The following DIP2C variants were observed in gnomAD, a reference collection of about 807,000 sequenced individuals.
DIP2C encodes disco-interacting protein 2 homolog C.
In DIP2C, 33 loss-of-function variants were observed where a neutral mutation model predicts 192.4. That is an observed-to-expected ratio of 0.17 (90% CI 0.13 to 0.23). The LOEUF (loss-of-function observed/expected upper bound fraction) is 0.23. Among genes scored for constraint, DIP2C ranks in the 10% least tolerant of loss-of-function variants. The pLI, the probability that DIP2C is intolerant of heterozygous loss-of-function variation, is 1.00. For missense variants in DIP2C, 1,537 were observed against 2,110.1 expected (o/e 0.73, Z 5.32); for synonymous variants, 979 against 864.1 (o/e 1.13, Z -2.33).
chr10:506,142 A>G (rs1368907668), intron 1 of DIP2C, among the ~76,000 whole-genome samples: 1 of 152,020 alleles, frequency 6.6e-6, no homozygotes, highest in Non-Finnish European at 1.5e-5. Context: ...CATGCTCGTT[A>G]CCCTTCGGAA....
intron 8 of DIP2C, among the ~76,000 whole-genome samples, chr10:409,906 T>A (rs753641525): frequency 6.6e-6 from 1 of 152,224 alleles, no homozygotes; most frequent in Non-Finnish European, 1.5e-5. Context: ...TACAACCTAG[T>A]CTCAGAGGCT....
At chr10:513,072 A>G (rs192630060) in intron 1 of DIP2C, among the ~76,000 whole-genome samples, 32 of 152,236 alleles carry the variant, frequency 2.1e-4, no homozygotes, top group African/African-American at 7.2e-4. Flanking sequence ...GCTCAAAACT[A>G]CTCACCAAGT....
At chr10:374,210 C>G (rs1961311509) in intron 17 of DIP2C, among the ~76,000 whole-genome samples, 1 of 152,116 alleles carries the variant, frequency 6.6e-6, no homozygotes, top group African/African-American at 2.4e-5. Flanking sequence ...TTCTTTCATT[C>G]AATTTTTATA....
At chr10:553,033 A>C (rs923750394) in intron 1 of DIP2C, among the ~76,000 whole-genome samples, 2 of 152,178 alleles carry the variant, frequency 1.3e-5, no homozygotes, top group African/African-American at 4.8e-5. Context: ...ATATCCACAT[A>C]AATTTCTATT....
chr10:626,458 A>G (rs2794955), intron 1 of DIP2C, among the ~76,000 whole-genome samples: 21,621 of 135,602 alleles, frequency 0.16, 2,702 homozygotes, highest in African/African-American at 0.44. Flanking sequence ...CCGTCCCCGG[A>G]GTTACCCTCC....
At chr10:451,490 G>C (rs1375454537) in intron 3 of DIP2C, among the ~76,000 whole-genome samples, 2 of 151,944 alleles carry the variant, frequency 1.3e-5, no homozygotes, top group Non-Finnish European at 2.9e-5. Flanking sequence ...CTTTCTATGT[G>C]GTCTTTCTTT....
intron 18 of DIP2C, among the ~76,000 whole-genome samples, chr10:367,893 C>A (rs1960469677): frequency 6.6e-6 from 1 of 152,056 alleles, no homozygotes; most frequent in Non-Finnish European, 1.5e-5. Flanking sequence ...GGCTTCTGTT[C>A]CACAGCCCCA....
At chr10:394,880 G>A (rs772108762) in intron 10 of DIP2C, among the ~76,000 whole-genome samples, 4 of 151,074 alleles carry the variant, frequency 2.6e-5, no homozygotes, top group Non-Finnish European at 5.9e-5. Flanking sequence ...GCGCTATTCA[G>A]CCTTCAGACA....
At chr10:356,788 G>A (rs915955903) in intron 23 of DIP2C, among the ~76,000 whole-genome samples, 44 of 152,226 alleles carry the variant, frequency 2.9e-4, no homozygotes, top group African/African-American at 9.9e-4. Flanking sequence ...GCACCCTGGT[G>A]TGAGAAGTTT....
At chr10:390,197 C>T (rs376628965) in intron 12 of DIP2C, 67 bp downstream of exon 12, 64 of 1,591,712 alleles carry the variant, frequency 4.0e-5, no homozygotes, top group African/African-American at 1.9e-4. Context: ...CTCGTGTAAC[C>T]GTCAGAAACA....
chr10:345,464 C>T (rs924576425), intron 26 of DIP2C, among the ~76,000 whole-genome samples: 5 of 150,936 alleles, frequency 3.3e-5, no homozygotes, highest in Admixed American at 1.3e-4. Flanking sequence ...CTCCCGGAAA[C>T]GTCACACACA....
At chr10:375,560 G>A (rs1961462431) in intron 17 of DIP2C, among the ~76,000 whole-genome samples, 2 of 152,168 alleles carry the variant, frequency 1.3e-5, no homozygotes, top group African/African-American at 4.8e-5. Context: ...GGCTTCCATT[G>A]AACCATTTGC....
At chr10:365,543 A>C (rs1482262272) in intron 19 of DIP2C, among the ~76,000 whole-genome samples, 1 of 152,216 alleles carries the variant, frequency 6.6e-6, no homozygotes, top group Non-Finnish European at 1.5e-5. Flanking sequence ...TCTCAACAAC[A>C]ACCAAAAGTT....
intron 9 of DIP2C, among the ~76,000 whole-genome samples, chr10:407,050 G>A (rs894821416): frequency 2.0e-5 from 3 of 152,224 alleles, no homozygotes; most frequent in Admixed American, 1.3e-4. Context: ...AACTCTGAAC[G>A]ATCCTCAAAC....
intron 1 of DIP2C, among the ~76,000 whole-genome samples, chr10:499,647 C>T (rs992107841): frequency 1.3e-5 from 2 of 152,188 alleles, no homozygotes; most frequent in Admixed American, 6.5e-5. Context: ...AAACAGATCT[C>T]GTGAGATCTC....
At chr10:302,450 G>T (rs1956096650) in intron 32 of DIP2C, among the ~76,000 whole-genome samples, 4 of 152,200 alleles carry the variant, frequency 2.6e-5, no homozygotes, top group African/African-American at 9.7e-5. Context: ...AAGGGACGGG[G>T]GAGTGAGGGT....
At chr10:532,524 T>TGTGTGAGAGAGTATGG (rs72039274) in intron 1 of DIP2C, among the ~76,000 whole-genome samples, 4 of 147,880 alleles carry the variant, frequency 2.7e-5, no homozygotes, top group Non-Finnish European at 4.5e-5. Flanking sequence ...TTTGTGTGGG[T>TGTGTGAGAGAGTATGG]GTGTGAGAGA....
At chr10:483,862 G>A (rs1023072011) in intron 2 of DIP2C, among the ~76,000 whole-genome samples, 1 of 152,066 alleles carries the variant, frequency 6.6e-6, no homozygotes, top group Non-Finnish European at 1.5e-5. Context: ...TGTCCCCCAG[G>A]CTGGAACACA....
intron 1 of DIP2C, among the ~76,000 whole-genome samples, chr10:639,982 C>T (rs950025432): frequency 6.6e-6 from 1 of 151,664 alleles, no homozygotes; most frequent in Non-Finnish European, 1.5e-5. Context: ...CCACACCCGC[C>T]ACGCCTGTGG....
Sources: gnomAD v4.1 joint callset for allele counts (sites outside exome capture counted in the v4.1 genomes callset) on GRCh38, gnomAD v4.1.1 for gene constraint, MANE v1.5 for transcripts, NCBI Gene and HGNC (gene_info 2026-07-23, HGNC 2026-07-21) for gene names.